Variants in PDE2A observed in about 807,000 individuals in gnomAD.
PDE2A encodes cGMP-dependent 3',5'-cyclic phosphodiesterase.
In PDE2A, 53 loss-of-function variants were observed where a neutral mutation model predicts 133.6. The observed-to-expected ratio is 0.40, with a 90% confidence interval of 0.32 to 0.50. PDE2A has a LOEUF of 0.50. PDE2A is among the 20% of genes least tolerant of loss of function. The pLI is 0.73. For synonymous variants in PDE2A, 491 were observed against 490.2 expected (o/e 1.00, Z -0.02); for missense variants, 796 against 1,232.4 (o/e 0.65, Z 5.30).
rs1262846168 is a variant in PDE2A at position 72,578,594 on chromosome 11, A to G, written c.2470-80T>C. 33 of 1,227,226 alleles carry G rather than the reference A, an allele frequency of 2.7e-5. No individual in the cohort carries two copies. The highest frequency in any genetic ancestry group is 1.1e-5 in the Non-Finnish European group (9 of 830,928). 76.0% of individuals were successfully genotyped at this position (1,227,226 alleles called of 1,614,324 possible). The stretch of plus-strand genomic sequence containing the variant: ...TCCTCTGACAGCCCGTTCCCAGGAG[A>G]GAAAACTGAGGCCCAGGGATTCAGT... On this transcript the variant is annotated intron_variant, in intron 28 of 30. Transcript: ENST00000334456. This position sits in a 1 kb window ranked among gnomAD's most constrained non-coding sequence, Gnocchi z 4.2.
chr11:72,580,155 T>C (rs951768342), intron 25 of PDE2A, among the ~76,000 whole-genome samples: 1 of 152,048 alleles, frequency 6.6e-6, no homozygotes, highest in Non-Finnish European at 1.5e-5. Context: ...GGAAGTAGCA[T>C]GAGGCAAGGT....
chr11:72,611,303 G>A (rs1032892524), intron 2 of PDE2A, among the ~76,000 whole-genome samples: 4 of 152,192 alleles, frequency 2.6e-5, no homozygotes, highest in East Asian at 1.9e-4. Context: ...CAGACAGCCA[G>A]TCAGAGCAGA....
intron 2 of PDE2A, among the ~76,000 whole-genome samples, chr11:72,610,519 T>C (rs1055978921): frequency 6.6e-6 from 1 of 152,152 alleles, no homozygotes; most frequent in African/African-American, 2.4e-5. Context: ...CAATCCAGTG[T>C]TCCCAGGAGG....
chr11:72,605,286 G>T (rs1048010031), intron 3 of PDE2A, 60 bp from the exon 4 acceptor site: 10 of 1,035,648 alleles, frequency 9.7e-6, no homozygotes, highest in Non-Finnish European at 1.4e-5. Context: ...CCCAGTCCCA[G>T]CCTGTACACA....
chr11:72,603,184 G>C (rs61895569), intron 4 of PDE2A, among the ~76,000 whole-genome samples: 6 of 152,158 alleles, frequency 3.9e-5, no homozygotes, highest in Admixed American at 6.5e-5. Flanking sequence ...CTCATCCCCT[G>C]GCCCTCCTCC....
At chr11:72,623,276 C>T (rs377238390) in intron 2 of PDE2A, among the ~76,000 whole-genome samples, 2 of 152,100 alleles carry the variant, frequency 1.3e-5, no homozygotes, top group Non-Finnish European at 1.5e-5. Flanking sequence ...CACACACCGA[C>T]CCTCCCTCCC....
intron 1 of PDE2A, among the ~76,000 whole-genome samples, chr11:72,662,932 C>G (rs765399192): frequency 5.9e-5 from 9 of 152,188 alleles, no homozygotes; most frequent in Non-Finnish European, 1.3e-4. Flanking sequence ...GGCCCTTCCT[C>G]CAGCCCAGGA....
At chr11:72,656,150 G>C (rs1400190207) in intron 1 of PDE2A, among the ~76,000 whole-genome samples, 1 of 152,212 alleles carries the variant, frequency 6.6e-6, no homozygotes, top group East Asian at 1.9e-4. Flanking sequence ...AGAGGCGAGG[G>C]GAGAGCCACG....
chr11:72,583,322 T>A, intron 20 of PDE2A, 116 bp downstream of exon 20: 1 of 742,626 alleles, frequency 1.3e-6, no homozygotes, highest in Admixed American at 2.2e-5. Flanking sequence ...GCAGGAGGCC[T>A]GCTGTGGCTC....
At chr11:72,619,692 T>A (rs1857656015) in intron 2 of PDE2A, among the ~76,000 whole-genome samples, 1 of 152,146 alleles carries the variant, frequency 6.6e-6, no homozygotes, top group Non-Finnish European at 1.5e-5. Context: ...TAGTCTTGTC[T>A]CCAAATGAGT....
Position 72,581,496 on chromosome 11 carries a change from G to A in PDE2A, c.1923-17C>T, listed in dbSNP as rs1018715480. On this transcript the variant is annotated splice_polypyrimidine_tract_variant and intron_variant, in intron 22 of 30. Coordinates refer to ENST00000334456, the MANE Select transcript of PDE2A (RefSeq NM_002599.5). ...AAACAGAACCTGGGGGAGGGAAGAG[G>A]GCAGAAGAGGGGCCTCAGCCTCTCC... 5 of 1,578,856 alleles carry A rather than the reference G, an allele frequency of 3.2e-6. No individual in the cohort carries two copies. The African/African-American group carries it at 6.7e-5, about 21-fold the overall frequency.
chr11:72,664,669 G>A (rs968892670), intron 1 of PDE2A, among the ~76,000 whole-genome samples: 15 of 151,032 alleles, frequency 9.9e-5, no homozygotes, highest in African/African-American at 3.2e-4. Flanking sequence ...CACCGTGCCC[G>A]GCCTCCCTGG....
chr11:72,597,535 C>A lies in PDE2A; in HGVS notation c.408G>T (p.Val136=). 6.2e-7 allele frequency: 1 copy of A among 1,609,364 alleles called. No homozygotes were observed. Among genetic ancestry groups the A allele is most frequent in the African/African-American group, 1.3e-5 (1 of 75,018 alleles). ...CTTGGGTATCAGGAGCCAGTGGAGC[C>A]ACCAGCCTGGCCAAGGGCTTCCCTG... The part of the protein sequence containing the change: ...DLPGKPLARL[V]APLAPDTQVL... Residue 136 remains valine, a synonymous_variant, in exon 5 of 31, where the codon GTG becomes GTT. Transcript: ENST00000334456. The surrounding 1 kb of genome is among the most constrained non-coding windows in gnomAD (Gnocchi z 4.6).
At chr11:72,664,282 T>G (rs12289096) in intron 1 of PDE2A, among the ~76,000 whole-genome samples, 5,374 of 151,914 alleles carry the variant, frequency 0.035, 340 homozygotes, top group African/African-American at 0.12. Context: ...CCATAATACT[T>G]GCTTCACTAA....
chr11:72,616,650 G>A (rs1446924497), intron 2 of PDE2A, among the ~76,000 whole-genome samples: 6 of 152,210 alleles, frequency 3.9e-5, no homozygotes, highest in Non-Finnish European at 7.3e-5. Context: ...CAGTCTCAGA[G>A]AAGGAGCCTG....
chr11:72,653,642 C>T (rs1196896540), intron 1 of PDE2A, among the ~76,000 whole-genome samples: 2 of 152,110 alleles, frequency 1.3e-5, no homozygotes, highest in African/African-American at 2.4e-5. Context: ...GGTGGTGACT[C>T]GGACGCGGAG....
rs569702950 is a variant in PDE2A at position 72,629,253 on chromosome 11, G to A, written c.144+13001C>T. 7.3e-5 allele frequency among the ~76,000 whole-genome samples: 10 copies of A among 136,976 alleles called. No individual in the cohort carries two copies. In the South Asian group the frequency reaches 2.1e-3, roughly 28 times the overall value. 89.9% of individuals were successfully genotyped at this position (136,976 alleles called of 152,430 possible). ...TGGACAAAGAGCAGAACTTGAACCT[G>A]CAGAGGGCAGGCAGATGGCCTAGGC... On this transcript the variant is annotated intron_variant, in intron 2 of 30. Coordinates refer to ENST00000334456, the MANE Select transcript of PDE2A (RefSeq NM_002599.5).
Position 72,590,079 on chromosome 11 carries a change from G to A in PDE2A, c.757-98C>T, listed in dbSNP as rs1001260881. On this transcript the variant is annotated intron_variant, in intron 9 of 30. Transcript: ENST00000334456. This position sits in a 1 kb window ranked among gnomAD's most constrained non-coding sequence, Gnocchi z 4.8. The stretch of plus-strand genomic sequence containing the variant: ...TCCGGGGCTCTTCAGGCGGGTGGAG[G>A]AGAGAGGAAGGAAGGACATCGTAAT... 2 of 1,401,362 alleles carry A rather than the reference G, an allele frequency of 1.4e-6. No individual in the cohort carries two copies. Among genetic ancestry groups the A allele is most frequent in the Admixed American group, 2.0e-5 (1 of 49,366 alleles). The allele number at this position is 1,401,362 out of a possible 1,614,324, so 86.8% of individuals were successfully genotyped here.
intron 22 of PDE2A, 90 bp from the exon 23 acceptor site, chr11:72,581,569 C>T: frequency 2.9e-6 from 4 of 1,368,958 alleles, no homozygotes; most frequent in Non-Finnish European, 4.0e-6. Flanking sequence ...CCCTCCATCC[C>T]TGAGGGACCC....
Sources: allele counts gnomAD v4.1 joint callset (sites outside exome capture counted in the v4.1 genomes callset), GRCh38; gene constraint gnomAD v4.1.1; non-coding constraint Gnocchi (gnomAD v3.1); transcripts MANE v1.5; gene names NCBI Gene and HGNC (gene_info 2026-07-23, HGNC 2026-07-21).